Variants in SGCZ observed in about 807,000 individuals in gnomAD.
SGCZ encodes sarcoglycan zeta.
SGCZ carries 40 observed loss-of-function variants against 41.3 expected under a neutral mutation model. That is an observed-to-expected ratio of 0.97 (90% confidence interval 0.75 to 1.26). The LOEUF (loss-of-function observed/expected upper bound fraction) is 1.26. Ranked by LOEUF, SGCZ falls within the 50% of genes most tolerant of loss-of-function variation. The pLI, the probability that SGCZ is intolerant of heterozygous loss-of-function variation, is 0.00. For synonymous variants in SGCZ, 206 were observed against 137.5 expected (o/e 1.50, Z -3.49); for missense variants, 552 against 369.8 (o/e 1.49, Z -4.04).
intron 2 of SGCZ, among the ~76,000 whole-genome samples, chr8:14,483,240 G>C (rs1197801256): frequency 1.3e-5 from 2 of 152,024 alleles, no homozygotes; most frequent in African/African-American, 4.8e-5. Context: ...TTTTAAGTAC[G>C]CGTGACAATC....
intron 1 of SGCZ, among the ~76,000 whole-genome samples, chr8:14,628,670 A>G (rs1806543548): frequency 6.6e-6 from 1 of 152,080 alleles, no homozygotes; most frequent in African/African-American, 2.4e-5. Flanking sequence ...AAAACAAGAC[A>G]ATGTAAAACA....
intron 1 of SGCZ, among the ~76,000 whole-genome samples, chr8:15,150,513 C>T (rs1322050713): frequency 1.3e-5 from 2 of 152,184 alleles, no homozygotes; most frequent in Non-Finnish European, 2.9e-5. Flanking sequence ...CCCCTCCCTA[C>T]TCACGCACAG....
At chr8:15,207,137 G>A (rs2117149445) in intron 1 of SGCZ, among the ~76,000 whole-genome samples, 1 of 152,266 alleles carries the variant, frequency 6.6e-6, no homozygotes, top group East Asian at 1.9e-4. Flanking sequence ...GAAATATACA[G>A]GGACGTTAAC....
chr8:14,321,319 G>C (rs573128265), intron 3 of SGCZ, among the ~76,000 whole-genome samples: 32 of 152,120 alleles, frequency 2.1e-4, no homozygotes, highest in African/African-American at 7.5e-4. Context: ...CTTTTGAAAA[G>C]CCTGAAGAAG....
chr8:14,454,056 C>T (rs1014624718), intron 2 of SGCZ, among the ~76,000 whole-genome samples: 4 of 152,080 alleles, frequency 2.6e-5, no homozygotes, highest in African/African-American at 9.7e-5. Context: ...GGATATTGAC[C>T]TTCCAGTTGC....
At chr8:14,803,728 C>T in intron 1 of SGCZ, among the ~76,000 whole-genome samples, 1 of 151,596 alleles carries the variant, frequency 6.6e-6, no homozygotes, top group Non-Finnish European at 1.5e-5. Flanking sequence ...GAGCCCACCA[C>T]AGCTCAAGGA....
At chr8:15,213,828 G>T (rs996541502) in intron 1 of SGCZ, among the ~76,000 whole-genome samples, 8 of 151,700 alleles carry the variant, frequency 5.3e-5, no homozygotes, top group African/African-American at 1.7e-4. Context: ...TTAATAAAAG[G>T]AGGAGAATAT....
intron 4 of SGCZ, among the ~76,000 whole-genome samples, chr8:14,181,096 C>A (rs371087753): frequency 6.4e-4 from 97 of 152,268 alleles, no homozygotes; most frequent in African/African-American, 2.3e-3. Flanking sequence ...TAAGCCAGGC[C>A]TGAGGCCCAC....
At chr8:14,093,516 A>T (rs949036409) in intron 7 of SGCZ, among the ~76,000 whole-genome samples, 3 of 152,094 alleles carry the variant, frequency 2.0e-5, no homozygotes, top group Admixed American at 2.0e-4. Flanking sequence ...TAGCAAAAGC[A>T]CTATGGCCTC....
At chr8:14,394,903 A>G (rs1798864616) in intron 2 of SGCZ, among the ~76,000 whole-genome samples, 1 of 152,208 alleles carries the variant, frequency 6.6e-6, no homozygotes. Flanking sequence ...GCAGATATCA[A>G]GAACACAATT....
intron 2 of SGCZ, among the ~76,000 whole-genome samples, chr8:14,447,539 C>G (rs1413678766): frequency 2.6e-5 from 4 of 152,104 alleles, no homozygotes; most frequent in Non-Finnish European, 5.9e-5. Flanking sequence ...CAGTAGGAGA[C>G]ACCCTCAAAA....
At chr8:14,529,119 C>G (rs192205822) in intron 2 of SGCZ, among the ~76,000 whole-genome samples, 1 of 152,182 alleles carries the variant, frequency 6.6e-6, no homozygotes, top group South Asian at 2.1e-4. Context: ...AATATTAAGT[C>G]CAGCACATGT....
At chr8:14,692,631 G>T (rs954374716) in intron 1 of SGCZ, among the ~76,000 whole-genome samples, 1 of 152,098 alleles carries the variant, frequency 6.6e-6, no homozygotes, top group African/African-American at 2.4e-5. Context: ...AATATGCTTT[G>T]CTATCTAATA....
intron 2 of SGCZ, among the ~76,000 whole-genome samples, chr8:14,425,932 G>A (rs1170850222): frequency 6.6e-6 from 1 of 152,090 alleles, no homozygotes; most frequent in African/African-American, 2.4e-5. Flanking sequence ...GGAAAAGGCA[G>A]CTAAAGAAGT....
At chr8:14,478,211 A>C (rs990812303) in intron 2 of SGCZ, among the ~76,000 whole-genome samples, 2 of 152,386 alleles carry the variant, frequency 1.3e-5, no homozygotes, top group African/African-American at 4.8e-5. Context: ...CAATGAAGTT[A>C]AAAACAGGTC....
rs533535291 is a variant in SGCZ, at chr8:14,272,164, C to G, written c.337-34485G>C. ...GACTACAGGTGCCTGCCACCATGCCCAGCTAATTTCTGTATTTTTTGTAGA... is the reference window on the plus strand; with the variant it reads ...GACTACAGGTGCCTGCCACCATGCCGAGCTAATTTCTGTATTTTTTGTAGA... On this transcript the variant is annotated intron_variant, in intron 3 of 7. Coordinates refer to ENST00000382080, the MANE Select transcript of SGCZ (RefSeq NM_139167.4). Among the ~76,000 whole-genome samples, 5 of 152,208 alleles carry G rather than the reference C, an allele frequency of 3.3e-5. No homozygotes were observed. In the East Asian group the frequency reaches 5.8e-4, roughly 18 times the overall value.
chr8:14,326,724 GGAT>G (rs1162610863), intron 2 of SGCZ, among the ~76,000 whole-genome samples: 5 of 152,114 alleles, frequency 3.3e-5, no homozygotes, highest in South Asian at 2.1e-4. Context: ...ATTTCTGTTA[GGAT>G]GATAATACAT....
intron 1 of SGCZ, among the ~76,000 whole-genome samples, chr8:14,952,026 C>T (rs1268554792): frequency 6.6e-6 from 1 of 151,856 alleles, no homozygotes; most frequent in East Asian, 1.9e-4. Context: ...TTGATACTCA[C>T]CTGGTGTTCA....
At chr8:14,359,739 A>C (rs1803434763) in intron 2 of SGCZ, among the ~76,000 whole-genome samples, 3 of 152,056 alleles carry the variant, frequency 2.0e-5, no homozygotes. Flanking sequence ...ATTCCAAAAA[A>C]ACAGAGGAGG....
Sources: allele counts gnomAD v4.1 joint callset (sites outside exome capture counted in the v4.1 genomes callset), GRCh38; gene constraint gnomAD v4.1.1; transcripts MANE v1.5; gene names NCBI Gene and HGNC (gene_info 2026-07-23, HGNC 2026-07-21).